NAF1: variants seen among roughly 807,000 people sequenced by gnomAD.
NAF1 encodes H/ACA ribonucleoprotein complex non-core subunit NAF1.
In NAF1, 11 loss-of-function variants were observed where a neutral mutation model predicts 40.6. The observed-to-expected ratio is 0.27, with a 90% confidence interval of 0.17 to 0.45. The LOEUF (loss-of-function observed/expected upper bound fraction) is 0.45, where lower values mean the gene tolerates loss of function less well. Ranked by LOEUF, NAF1 falls within the 20% of genes least tolerant of loss-of-function variation. The pLI, the probability that NAF1 is intolerant of heterozygous loss-of-function variation, is 1.00. For synonymous variants in NAF1, 260 were observed against 228.5 expected, an observed-to-expected ratio of 1.14 and a Z score of -1.24; for missense variants, 607 against 611.1, an observed-to-expected ratio of 0.99 and a Z score of 0.07.
At chr4:163,130,719 A>G (rs1472338929) in intron 7 of NAF1, among the ~76,000 whole-genome samples, 1 of 152,264 alleles carries the variant, frequency 6.6e-6, no homozygotes, top group Non-Finnish European at 1.5e-5. Flanking sequence ...ATGGGGCTGG[A>G]ACACCTGGAC....
In NAF1 at chr4:163,140,760, T is replaced by G. The variant is rs140868709; in HGVS notation, c.718-377A>C. ...TATAATTGGTAACTTTTGAGAAAACTGTATACATTTGGAATCATCAGATGG... is the reference window on the plus strand; with the variant it reads ...TATAATTGGTAACTTTTGAGAAAACGGTATACATTTGGAATCATCAGATGG... On this transcript the variant is annotated intron_variant, in intron 4 of 7. Coordinates refer to ENST00000274054, the MANE Select transcript of NAF1 (RefSeq NM_138386.3). Among the ~76,000 whole-genome samples, 40 of 152,318 alleles carry G rather than the reference T, an allele frequency of 2.6e-4. 1 individual carries two copies. The East Asian group carries it at 7.1e-3, about 27-fold the overall frequency.
chr4:163,105,317 AAACATT>A (rs1262153505), downstream of NAF1, among the ~76,000 whole-genome samples: 1 of 152,236 alleles, frequency 6.6e-6, no homozygotes, highest in East Asian at 1.9e-4. Context: ...GCATTATTAT[AAACATT>A]AAGTAAGATA....
At chr4:163,152,480 C>A (rs1269815274) in intron 2 of NAF1, among the ~76,000 whole-genome samples, 4 of 152,196 alleles carry the variant, frequency 2.6e-5, no homozygotes, top group Non-Finnish European at 5.9e-5. Context: ...CAGTGTCTGG[C>A]AGGCCCTCTT....
At chr4:163,118,691 T>C (rs1203120640) in intron 2 of NAF1, among the ~76,000 whole-genome samples, 3 of 151,978 alleles carry the variant, frequency 2.0e-5, no homozygotes, top group Non-Finnish European at 4.4e-5. Flanking sequence ...AGGTAGAGGC[T>C]GCAGTGAGCC....
At chr4:163,143,759 G>A (rs534136962) in intron 4 of NAF1, among the ~76,000 whole-genome samples, 3 of 152,288 alleles carry the variant, frequency 2.0e-5, no homozygotes, top group East Asian at 3.9e-4. Context: ...TGTCTCTCTA[G>A]GTGAGCCAGC....
downstream of NAF1, among the ~76,000 whole-genome samples, chr4:163,109,121 T>A (rs6841345): frequency 0.78 from 116,787 of 150,568 alleles, 45,348 homozygotes; most frequent in South Asian, 0.84. Flanking sequence ...TATTAAATCA[T>A]CTCCAGTCAT....
chr4:163,154,744 A>T (rs1374372100), intron 2 of NAF1, among the ~76,000 whole-genome samples: 1 of 152,046 alleles, frequency 6.6e-6, no homozygotes, highest in Non-Finnish European at 1.5e-5. Flanking sequence ...GGTGGCAGGC[A>T]CCTGTAATCC....
chr4:163,112,160 G>A (rs919206228), intron 2 of NAF1, among the ~76,000 whole-genome samples: 3 of 151,630 alleles, frequency 2.0e-5, no homozygotes, highest in African/African-American at 4.8e-5. Context: ...AGATAATAGC[G>A]ATTTTACAAA....
chr4:163,135,165 T>C (rs1167469345), intron 6 of NAF1: 1 of 152,212 alleles, frequency 6.6e-6, no homozygotes, highest in Non-Finnish European at 1.5e-5. Flanking sequence ...TAATTTCTCT[T>C]ATTTTCCTTT....
chr4:163,141,835 T>G (rs1002648070), intron 4 of NAF1: 4 of 514,388 alleles, frequency 7.8e-6, no homozygotes, highest in Non-Finnish European at 1.0e-5. Context: ...ACATCCTCAG[T>G]TCTTGATTTT....
chr4:163,145,410 A>G (rs1379942115), intron 4 of NAF1, among the ~76,000 whole-genome samples: 5 of 152,186 alleles, frequency 3.3e-5, no homozygotes, highest in Non-Finnish European at 4.4e-5. Flanking sequence ...AAAGGAGCTC[A>G]CAAAACAAAA....
chr4:163,157,562 A>C (rs1317627971), intron 2 of NAF1: 1 of 152,016 alleles, frequency 6.6e-6, no homozygotes, highest in African/African-American at 2.4e-5. Context: ...ACATTAATAC[A>C]GAAATTATAT....
chr4:163,161,128 T>C (rs17471607), intron 2 of NAF1, among the ~76,000 whole-genome samples: 10,144 of 151,404 alleles, frequency 0.067, 405 homozygotes, highest in Non-Finnish European at 0.09. Context: ...AAGCAAAAGA[T>C]GCCATTTTTA....
intron 2 of NAF1, among the ~76,000 whole-genome samples, chr4:163,118,236 A>G (rs1730409998): frequency 6.6e-6 from 1 of 152,204 alleles, no homozygotes; most frequent in African/African-American, 2.4e-5. Context: ...AGAAAGCGGT[A>G]TCTAGAAACA....
intron 1 of NAF1, among the ~76,000 whole-genome samples, 191 bp from the exon 2 acceptor site, chr4:163,164,582 TAGC>T (rs3839199): frequency 0.14 from 20,916 of 152,144 alleles, 1,930 homozygotes; most frequent in East Asian, 0.3. Flanking sequence ...AATTCAAAAC[TAGC>T]ACTTCAAAAC....
chr4:163,110,129 A>G lies in NAF1; in HGVS notation c.*147T>C, dbSNP rs1361503298. 4 of 540,318 alleles carry G rather than the reference A, an allele frequency of 7.4e-6. No individual in the cohort carries two copies. The African/African-American group carries it at 7.6e-5, about 10-fold the overall frequency. 33.5% of individuals were successfully genotyped at this position (540,318 alleles called of 1,614,324 possible). ...CAGTACTTGAAATCTGTGGGTTGCC[A>G]TGAGGTTCCCATGGCAACTCTTCTA... On this transcript the variant is annotated 3_prime_UTR_variant, in exon 3 of 3. Transcript: ENST00000509434.
downstream of NAF1, among the ~76,000 whole-genome samples, chr4:163,124,206 G>A (rs1304872744): frequency 5.9e-5 from 9 of 152,138 alleles, no homozygotes; most frequent in African/African-American, 1.4e-4. Flanking sequence ...AAATAAGTAC[G>A]CCTTACAGTT....
chr4:163,151,960 G>C (rs1433683377), intron 2 of NAF1, among the ~76,000 whole-genome samples: 1 of 152,070 alleles, frequency 6.6e-6, no homozygotes, highest in East Asian at 1.9e-4. Context: ...AAAGCATCAT[G>C]CTGAAATTTA....
At chr4:163,127,804 G>C (rs1476394629), downstream of NAF1, among the ~76,000 whole-genome samples, 1 of 152,122 alleles carries the variant, frequency 6.6e-6, no homozygotes, top group Non-Finnish European at 1.5e-5. Flanking sequence ...TGTGCTAAGT[G>C]GTCTCCAGAT....
Sources: allele counts gnomAD v4.1 joint callset (sites outside exome capture counted in the v4.1 genomes callset), GRCh38; gene constraint gnomAD v4.1.1; transcripts MANE v1.5; gene names NCBI Gene and HGNC (gene_info 2026-07-23, HGNC 2026-07-21).